The following SMARCC1 variants were observed in gnomAD, a reference collection of about 807,000 sequenced individuals.
The protein encoded by SMARCC1 is SWI/SNF complex subunit SMARCC1.
In SMARCC1, 43 loss-of-function variants were observed where a neutral mutation model predicts 147.4. That is an observed-to-expected ratio of 0.29 (90% CI 0.23 to 0.38). SMARCC1 has a LOEUF of 0.38. Ranked by LOEUF, SMARCC1 falls within the 10% of genes least tolerant of loss-of-function variation. The pLI is 1.00. For missense variants in SMARCC1, 1,119 were observed against 1,381.1 expected (o/e 0.81, Z 3.01); for synonymous variants, 495 against 484.4 (o/e 1.02, Z -0.29).
At chr3:47,666,065 A>G (rs895979842) in intron 19 of SMARCC1, among the ~76,000 whole-genome samples, 3 of 152,148 alleles carry the variant, frequency 2.0e-5, no homozygotes, top group Admixed American at 1.3e-4. Flanking sequence ...ATTATGTGTC[A>G]TTATCTTATG....
At chr3:47,635,384 C>G (rs747757561) in intron 23 of SMARCC1, 40 bp from the exon 24 acceptor site, 2 of 1,577,084 alleles carry the variant, frequency 1.3e-6, no homozygotes, top group Non-Finnish European at 1.7e-6. Flanking sequence ...CGTGCCCACT[C>G]TCGAAAACCC....
chr3:47,713,374 A>T (rs2034115625), intron 8 of SMARCC1, among the ~76,000 whole-genome samples: 1 of 152,034 alleles, frequency 6.6e-6, no homozygotes, highest in Non-Finnish European at 1.5e-5. Flanking sequence ...ATAAATCTGG[A>T]AGAAGGGTAC....
At chr3:47,775,020 T>A (rs1185492583) in intron 1 of SMARCC1, among the ~76,000 whole-genome samples, 1 of 152,060 alleles carries the variant, frequency 6.6e-6, no homozygotes, top group Non-Finnish European at 1.5e-5. Context: ...TCTGGGCTAG[T>A]CTAGAACTCC....
chr3:47,682,274 G>T (rs1342927176), intron 14 of SMARCC1, among the ~76,000 whole-genome samples: 1 of 138,250 alleles, frequency 7.2e-6, no homozygotes, highest in Non-Finnish European at 1.5e-5. Flanking sequence ...CAGCCTGGGG[G>T]ACAGAGCAAG....
intron 26 of SMARCC1, among the ~76,000 whole-genome samples, chr3:47,605,886 T>C (rs976886697): frequency 6.6e-6 from 1 of 152,076 alleles, no homozygotes; most frequent in Admixed American, 6.5e-5. Context: ...GTCAGGACAG[T>C]TGTTATCCTT....
rs376408339 is a variant in SMARCC1, at chr3:47,590,849, G to A, written c.3044-12C>T. On this transcript the variant is annotated splice_polypyrimidine_tract_variant and intron_variant, in intron 26 of 27. Transcript: ENST00000254480. ...GCCTGGTATCTGACCTGTGGAGGGA[G>A]ATTTAAAGTACTGTAAGTATACTAG... 785 of 1,598,602 alleles carry A rather than the reference G, an allele frequency of 4.9e-4. No individual in the cohort carries two copies. Among genetic ancestry groups the A allele is most frequent in the Admixed American group, 8.7e-4 (49 of 56,614 alleles).
chr3:47,629,740 G>A (rs1251791682), intron 24 of SMARCC1, among the ~76,000 whole-genome samples: 2 of 152,014 alleles, frequency 1.3e-5, no homozygotes, highest in Non-Finnish European at 2.9e-5. Context: ...CTCTATAATA[G>A]CCCAGCGATG....
intron 19 of SMARCC1, among the ~76,000 whole-genome samples, chr3:47,665,398 G>A (rs1486703235): frequency 2.0e-5 from 3 of 152,128 alleles, no homozygotes; most frequent in African/African-American, 7.2e-5. Context: ...ATCTACTGGG[G>A]CTGTATTATG....
intron 27 of SMARCC1, among the ~76,000 whole-genome samples, chr3:47,590,416 C>T (rs1363077293): frequency 6.6e-6 from 1 of 152,160 alleles, no homozygotes; most frequent in African/African-American, 2.4e-5. Flanking sequence ...TCTTTATGGC[C>T]CCAATGCTGA....
At chr3:47,739,926 G>A (rs999420380) in intron 3 of SMARCC1, among the ~76,000 whole-genome samples, 2 of 152,094 alleles carry the variant, frequency 1.3e-5, no homozygotes, top group Non-Finnish European at 2.9e-5. Context: ...GCCCAGGCTG[G>A]AGTGCAGTGG....
At chr3:47,609,968 C>T (rs2032538983) in intron 26 of SMARCC1, 98 bp downstream of exon 26, 1 of 1,343,604 alleles carries the variant, frequency 7.4e-7, no homozygotes, top group Non-Finnish European at 1.0e-6. Context: ...TTTGAGCAGT[C>T]TTCATCAGAA....
intron 14 of SMARCC1, among the ~76,000 whole-genome samples, chr3:47,683,135 C>A (rs887630658): frequency 1.3e-5 from 2 of 152,196 alleles, no homozygotes; most frequent in Non-Finnish European, 2.9e-5. Context: ...TTCCACCTCC[C>A]GGGTTCACGC....
chr3:47,710,588 A>C, intron 9 of SMARCC1, 95 bp downstream of exon 9: 1 of 1,259,930 alleles, frequency 7.9e-7, no homozygotes, highest in Non-Finnish European at 1.1e-6. Context: ...AAAGTTCCTA[A>C]GTGGTTTGTA....
At chr3:47,770,002 G>C (rs906173767) in intron 2 of SMARCC1, among the ~76,000 whole-genome samples, 4 of 151,924 alleles carry the variant, frequency 2.6e-5, no homozygotes, top group African/African-American at 4.8e-5. Context: ...GAGGCAGGCA[G>C]ATCACGAGGT....
At chr3:47,685,439 C>A (rs1169912872) in intron 14 of SMARCC1, among the ~76,000 whole-genome samples, 3 of 151,976 alleles carry the variant, frequency 2.0e-5, no homozygotes, top group South Asian at 2.1e-4. Context: ...TACTACTACT[C>A]AAGTATTTGC....
chr3:47,604,101 G>A (rs1408070654), intron 26 of SMARCC1: 2 of 456,644 alleles, frequency 4.4e-6, no homozygotes, highest in African/African-American at 4.0e-5. Flanking sequence ...AATGGAATAT[G>A]TACAGGTGCC....
chr3:47,608,496 C>G (rs1209908938), intron 26 of SMARCC1, among the ~76,000 whole-genome samples: 1 of 152,096 alleles, frequency 6.6e-6, no homozygotes, highest in Non-Finnish European at 1.5e-5. Context: ...AACTACTGAT[C>G]AATCTTAATT....
intron 10 of SMARCC1, among the ~76,000 whole-genome samples, chr3:47,702,511 A>G (rs1263649027): frequency 6.6e-6 from 1 of 152,192 alleles, no homozygotes; most frequent in Non-Finnish European, 1.5e-5. Flanking sequence ...ATCCCAGAAC[A>G]TTGGAAGGGC....
At chr3:47,614,773 C>T (rs2032613843) in intron 25 of SMARCC1, among the ~76,000 whole-genome samples, 1 of 152,136 alleles carries the variant, frequency 6.6e-6, no homozygotes, top group Admixed American at 6.5e-5. Context: ...ACAGAGTGAT[C>T]CCTGATAAAC....
Sources: allele counts gnomAD v4.1 joint callset (sites outside exome capture counted in the v4.1 genomes callset), GRCh38; gene constraint gnomAD v4.1.1; transcripts MANE v1.5; gene names NCBI Gene and HGNC (gene_info 2026-07-23, HGNC 2026-07-21).